Variants in CDH13 observed in about 807,000 individuals in gnomAD.
CDH13 encodes the protein cadherin-13.
CDH13 carries 24 observed loss-of-function variants against 63.8 expected under a neutral mutation model. The observed-to-expected ratio is 0.38, with a 90% CI of 0.27 to 0.53. CDH13 has a LOEUF of 0.53. Ranked by LOEUF, CDH13 falls within the 20% of genes least tolerant of loss-of-function variation. CDH13 has a pLI of 0.85. For synonymous variants in CDH13, 503 were observed against 355.3 expected (o/e 1.42, Z -4.67); for missense variants, 1,049 against 903.1 (o/e 1.16, Z -2.07).
At chr16:82,780,232 C>A (rs12925326) in intron 1 of CDH13, among the ~76,000 whole-genome samples, 53,190 of 151,924 alleles carry the variant, frequency 0.35, 9,788 homozygotes, top group East Asian at 0.53. Flanking sequence ...GTTACAACAA[C>A]ATTGGTTTAC....
At chr16:82,814,033 A>G (rs2037581154) in intron 1 of CDH13, among the ~76,000 whole-genome samples, 1 of 152,146 alleles carries the variant, frequency 6.6e-6, no homozygotes, top group African/African-American at 2.4e-5. Flanking sequence ...GTGGAGTCTA[A>G]CTGCACAAAA....
chr16:82,995,767 G>A (rs1912140014), intron 2 of CDH13, among the ~76,000 whole-genome samples: 1 of 152,134 alleles, frequency 6.6e-6, no homozygotes, highest in African/African-American at 2.4e-5. Context: ...AGCTTGTCAT[G>A]GTTTACTTCT....
At chr16:83,004,501 T>C (rs941698562) in intron 2 of CDH13, among the ~76,000 whole-genome samples, 9 of 152,126 alleles carry the variant, frequency 5.9e-5, no homozygotes, top group African/African-American at 2.2e-4. Context: ...TGTTTTGTTT[T>C]GTTTTGTTTT....
chr16:83,115,577 G>A (rs900693509), intron 3 of CDH13, among the ~76,000 whole-genome samples: 1 of 152,232 alleles, frequency 6.6e-6, no homozygotes, highest in Non-Finnish European at 1.5e-5. Context: ...TGCCTTGGAA[G>A]CAAATCCAGT....
intron 1 of CDH13, among the ~76,000 whole-genome samples, chr16:82,789,123 C>G (rs1389448205): frequency 1.3e-5 from 2 of 152,146 alleles, no homozygotes; most frequent in Non-Finnish European, 2.9e-5. Context: ...TTCCATTTGT[C>G]TTGGAATTTC....
chr16:82,787,674 G>A (rs1376023820), intron 1 of CDH13, among the ~76,000 whole-genome samples: 1 of 152,144 alleles, frequency 6.6e-6, no homozygotes, highest in Non-Finnish European at 1.5e-5. Flanking sequence ...GAGGTGAATG[G>A]GCTTTCACAG....
At chr16:82,873,799 T>G (rs1181382995) in intron 2 of CDH13, among the ~76,000 whole-genome samples, 1 of 152,174 alleles carries the variant, frequency 6.6e-6, no homozygotes, top group Non-Finnish European at 1.5e-5. Flanking sequence ...CCACCAAAGA[T>G]GACCCACGAA....
chr16:83,057,651 A>C (rs2031085620), intron 3 of CDH13, among the ~76,000 whole-genome samples: 1 of 151,692 alleles, frequency 6.6e-6, no homozygotes, highest in South Asian at 2.1e-4. Context: ...GACACACAAA[A>C]CCATCTATAA....
intron 7 of CDH13, among the ~76,000 whole-genome samples, chr16:83,510,342 A>G (rs1300163919): frequency 1.3e-5 from 2 of 152,216 alleles, no homozygotes; most frequent in Admixed American, 6.5e-5. Context: ...GAGAAAACTG[A>G]TAAACACCAC....
rs369734815 is a variant in CDH13 at position 83,305,248 on chromosome 16, T to G, written c.637-39614T>G. On this transcript the variant is annotated intron_variant, in intron 5 of 13. Coordinates refer to ENST00000567109, the MANE Select transcript of CDH13 (RefSeq NM_001257.5). Reference sequence around the variant, plus strand: ...GAAGGACTGTCCTGCTGTTGATGACTTCACTTTACTTAAGCATGGTTCAAT... The same window carrying G: ...GAAGGACTGTCCTGCTGTTGATGACGTCACTTTACTTAAGCATGGTTCAAT... Among the ~76,000 whole-genome samples the G allele has an allele frequency of 5.9e-5, 9 of 152,184 alleles. No homozygotes were observed. In the South Asian group the frequency reaches 1.7e-3, roughly 28 times the overall value.
intron 1 of CDH13, among the ~76,000 whole-genome samples, chr16:82,742,118 T>A (rs1366186619): frequency 1.3e-5 from 2 of 152,134 alleles, no homozygotes; most frequent in Admixed American, 6.5e-5. Context: ...GCACAGTTAA[T>A]AAAATGGGAA....
At chr16:83,485,566 A>G (rs1216262662) in intron 6 of CDH13, among the ~76,000 whole-genome samples, 2 of 151,992 alleles carry the variant, frequency 1.3e-5, no homozygotes, top group Non-Finnish European at 2.9e-5. Flanking sequence ...CATTCCCTTT[A>G]ACTGGAATGC....
At chr16:83,301,033 T>TG (rs1555527311) in intron 5 of CDH13, among the ~76,000 whole-genome samples, 3 of 129,036 alleles carry the variant, frequency 2.3e-5, no homozygotes, top group Non-Finnish European at 4.9e-5. Context: ...GGGTTTTTTT[T>TG]TTTTTTTTTT....
intron 4 of CDH13, among the ~76,000 whole-genome samples, chr16:83,208,745 A>G (rs1216220188): frequency 6.6e-6 from 1 of 152,214 alleles, no homozygotes. Flanking sequence ...CACCCTTGTG[A>G]TAATAATGCA....
In CDH13 at chr16:83,627,404, G is replaced by GT. The variant is rs535227077; in HGVS notation, c.1101+24810_1101+24811insT. ...ATACAGCGAAGCAGAATTCCTGAGAGGCCTCTGATCTGAATAGTGCCAACT... is the reference window on the plus strand; with the variant it reads ...ATACAGCGAAGCAGAATTCCTGAGAGTGCCTCTGATCTGAATAGTGCCAACT... On this transcript the variant is annotated intron_variant, in intron 8 of 13. Transcript: ENST00000567109. Among the ~76,000 whole-genome samples the GT allele has an allele frequency of 7.2e-4, 110 of 152,262 alleles. No homozygotes were observed. In the South Asian group the frequency reaches 0.012, roughly 16 times the overall value.
chr16:82,979,542 G>A lies in CDH13; in HGVS notation c.158-52468G>A, dbSNP rs114348352. On this transcript the variant is annotated intron_variant, in intron 2 of 13. Transcript: ENST00000567109. ...GGGATCTGATGGTTTTATAAAGGGC[G>A]TTTCCCCCTTTTGCTCAGCACTTCT... 1.5e-3 allele frequency among the ~76,000 whole-genome samples: 234 copies of A among 152,178 alleles called. 1 individual carries two copies. The highest frequency in any genetic ancestry group is 5.2e-3 in the African/African-American group (216 of 41,510).
chr16:83,059,735 C>G (rs367734203), intron 3 of CDH13, among the ~76,000 whole-genome samples: 19 of 151,568 alleles, frequency 1.3e-4, no homozygotes, highest in African/African-American at 4.6e-4. Context: ...TCCCTCAAAC[C>G]TCCCTGTATC....
At chr16:83,140,850 C>G (rs60982421) in intron 4 of CDH13, among the ~76,000 whole-genome samples, 1 of 152,038 alleles carries the variant, frequency 6.6e-6, no homozygotes, top group Admixed American at 6.5e-5. Flanking sequence ...CTCCTGGGAA[C>G]GGACTGACCC....
intron 8 of CDH13, among the ~76,000 whole-genome samples, chr16:83,609,522 T>C (rs940121685): frequency 1.3e-5 from 2 of 152,242 alleles, no homozygotes; most frequent in African/African-American, 4.8e-5. Flanking sequence ...CCAATGTGTT[T>C]ATTATGATTC....
Sources: allele counts gnomAD v4.1 joint callset (sites outside exome capture counted in the v4.1 genomes callset), GRCh38; gene constraint gnomAD v4.1.1; transcripts MANE v1.5; gene names NCBI Gene and HGNC (gene_info 2026-07-23, HGNC 2026-07-21).